The following USP40 variants were observed in gnomAD, a reference collection of about 807,000 sequenced individuals.
USP40 encodes the protein ubiquitin carboxyl-terminal hydrolase 40.
USP40 carries 143 observed loss-of-function variants against 166.2 expected under a neutral mutation model. That is an observed-to-expected ratio of 0.86 (90% CI 0.75 to 0.99). USP40 has a LOEUF of 0.99. Among genes scored for constraint, USP40 ranks in the 50% least tolerant of loss-of-function variants. The pLI is 0.00. For missense variants in USP40, 1,444 were observed against 1,479.7 expected, an observed-to-expected ratio of 0.98 and a Z score of 0.40; for synonymous variants, 498 against 524.0, an observed-to-expected ratio of 0.95 and a Z score of 0.68.
chr2:233,485,568 G>A lies in USP40; in HGVS notation c.3467C>T (p.Pro1156Leu), dbSNP rs765747545. The stretch of plus-strand genomic sequence containing the variant: ...AGTATCTCCGTCTTTCAAGTAATAC[G>A]GTGCCCCTTGCAAATAATCTTGTTT... ...KKKQDYLQGA[P>L]YYLKDGDTIG... Residue 1156 changes from proline (P) to leucine (L), a missense_variant, in exon 30 of 32, where the codon CCG (proline) becomes CTG (leucine). By Grantham distance (98) the Pro-to-Leu change is moderately conservative (BLOSUM62 -3). Transcript: ENST00000678225. 16 of 1,613,720 alleles carry A rather than the reference G, an allele frequency of 9.9e-6. No individual in the cohort carries two copies. Among genetic ancestry groups the A allele is most frequent in the African/African-American group, 6.7e-5 (5 of 74,876 alleles).
chr2:233,497,946 G>A (rs116489693), intron 23 of USP40, among the ~76,000 whole-genome samples: 1,749 of 152,242 alleles, frequency 0.011, 27 homozygotes, highest in African/African-American at 0.038. Flanking sequence ...GGGAAAGGGC[G>A]GCTGACCACA....
intron 18 of USP40, among the ~76,000 whole-genome samples, chr2:233,513,555 C>T (rs569845598): frequency 2.0e-5 from 3 of 152,228 alleles, no homozygotes; most frequent in Admixed American, 2.0e-4. Context: ...TATTCAGTTA[C>T]AGTTAATATA....
chr2:233,493,861 G>T lies in USP40; in HGVS notation c.2791-310C>A, dbSNP rs893449624. Among the ~76,000 whole-genome samples the T allele has an allele frequency of 6.6e-6, 1 of 152,128 alleles. No homozygotes were observed. The highest frequency in any genetic ancestry group is 6.5e-5 in the Admixed American group (1 of 15,276). ...ACACACTATACCAGCGTTTCCAGGC[G>T]CTGTCCAAGCACTGCTGGCCCAGGA... On this transcript the variant is annotated intron_variant, in intron 24 of 31. Coordinates refer to ENST00000678225, the MANE Select transcript of USP40 (RefSeq NM_001365479.2). This position sits in a 1 kb window ranked among gnomAD's most constrained non-coding sequence, Gnocchi z 4.7.
At chr2:233,531,574 C>T (rs923855713) in intron 11 of USP40, among the ~76,000 whole-genome samples, 3 of 152,196 alleles carry the variant, frequency 2.0e-5, no homozygotes, top group African/African-American at 7.2e-5. Context: ...AATTCTGATA[C>T]ACAATATTTT....
At position 233,485,916 on chromosome 2, in the gene USP40, C is replaced by T. The variant is rs1251636746; in HGVS notation, c.3259G>A (p.Ala1087Thr). The change falls in exon 29 of 32, where the codon GCC becomes ACC. Residue 1087 changes from alanine to threonine, a missense_variant. Coordinates refer to ENST00000678225, the MANE Select transcript of USP40 (RefSeq NM_001365479.2). ...GCCGCGTTCCACACCAGGTCCAGGGCAGGGGCATAGGTCCTCTCACCAGGG... is the reference window on the plus strand; with the variant it reads ...GCCGCGTTCCACACCAGGTCCAGGGTAGGGGCATAGGTCCTCTCACCAGGG... ...RIPGERTYAPALDLVWNAAQG... is the reference protein window; with the variant it reads ...RIPGERTYAPTLDLVWNAAQG... The T allele has an allele frequency of 6.2e-7, 1 of 1,601,178 alleles. No homozygotes were observed. The highest frequency in any genetic ancestry group is 2.2e-5 in the East Asian group (1 of 44,498).
intron 7 of USP40, among the ~76,000 whole-genome samples, chr2:233,550,219 A>G (rs2070426845): frequency 6.6e-6 from 1 of 152,178 alleles, no homozygotes; most frequent in South Asian, 2.1e-4. Flanking sequence ...AGTACAGGCA[A>G]AAGACAAGGT....
At chr2:233,554,608 T>A (rs2070884296) in intron 5 of USP40, 82 bp from the exon 6 acceptor site, 1 of 1,117,532 alleles carries the variant, frequency 8.9e-7, no homozygotes, top group Non-Finnish European at 1.2e-6. Flanking sequence ...ATATTGGGAA[T>A]AATCAGATAT....
intron 10 of USP40, among the ~76,000 whole-genome samples, chr2:233,534,494 T>C (rs1049186051): frequency 6.6e-6 from 1 of 152,242 alleles, no homozygotes; most frequent in Non-Finnish European, 1.5e-5. Context: ...GGAGTTAAAT[T>C]TGACACTTGG....
intron 2 of USP40, 57 bp downstream of exon 2, chr2:233,565,299 A>G: frequency 7.7e-7 from 1 of 1,296,768 alleles, no homozygotes; most frequent in South Asian, 1.4e-5. Flanking sequence ...TGCATAATTA[A>G]TTACATGTAA....
chr2:233,566,562 G>T, intron 1 of USP40, 122 bp downstream of exon 1: 1 of 496,850 alleles, frequency 2.0e-6, no homozygotes, highest in Non-Finnish European at 2.6e-6. Context: ...CTCCAGGAGA[G>T]CGCCGCGTCC....
At chr2:233,489,066 TC>T (rs1446023589) in intron 27 of USP40, among the ~76,000 whole-genome samples, 1 of 152,202 alleles carries the variant, frequency 6.6e-6, no homozygotes, top group Non-Finnish European at 1.5e-5. Context: ...ATCCAACATT[TC>T]TGAGTGAGAA....
At chr2:233,490,882 A>G (rs905584208) in intron 26 of USP40, 1 of 507,624 alleles carries the variant, frequency 2.0e-6, no homozygotes. Context: ...CCAAGAAACC[A>G]TGTTTCCCTA....
intron 12 of USP40, among the ~76,000 whole-genome samples, chr2:233,527,802 A>G (rs2068150140): frequency 6.6e-6 from 1 of 152,136 alleles, no homozygotes; most frequent in South Asian, 2.1e-4. Context: ...CATAGGCTGC[A>G]ATGTTAACTC....
At position 233,527,531 on chromosome 2, in the gene USP40, A is replaced by T. The variant is rs769970033; in HGVS notation, c.1601T>A (p.Leu534Gln). The change falls in exon 13 of 32, where the codon CTG becomes CAG. Residue 534 changes from leucine to glutamine, a missense_variant. Leu to Gln is a moderately radical substitution (Grantham distance 113). Coordinates refer to ENST00000678225, the MANE Select transcript of USP40 (RefSeq NM_001365479.2). The stretch of plus-strand genomic sequence containing the variant: ...ATTGAAGAAATGATACTGAGGGCCC[A>T]GGTGAAGATGCAATTCAAAAGTATT... ...ANNTFELHLH[L>Q]GPQYHFFNGA... 2 of 1,612,882 alleles carry T rather than the reference A, an allele frequency of 1.2e-6. No homozygotes were observed. The highest frequency in any genetic ancestry group is 1.7e-6 in the Non-Finnish European group (2 of 1,179,552).
rs528825620 is a variant in USP40 at position 233,558,864 on chromosome 2, G to A, written c.381+947C>T. ...CCTACACCAGAAATTTAACATACTT[G>A]TTTAGGGAATGTATTATACCCCATT... On this transcript the variant is annotated intron_variant, in intron 4 of 31. Transcript: ENST00000678225. Among the ~76,000 whole-genome samples, 19 of 152,114 alleles carry A rather than the reference G, an allele frequency of 1.2e-4. No homozygotes were observed. In the East Asian group the frequency reaches 3.5e-3, roughly 28 times the overall value.
At chr2:233,515,834 G>A (rs994078437) in intron 18 of USP40, among the ~76,000 whole-genome samples, 2 of 152,026 alleles carry the variant, frequency 1.3e-5, no homozygotes, top group Non-Finnish European at 2.9e-5. Flanking sequence ...TTAACTTTTA[G>A]TTGTATGATC....
intron 20 of USP40, among the ~76,000 whole-genome samples, chr2:233,510,418 T>TTTTTTTTTTA (rs2066735123): frequency 6.9e-6 from 1 of 145,796 alleles, no homozygotes; most frequent in Non-Finnish European, 1.5e-5. Context: ...TTTTTTTTTT[T>TTTTTTTTTTA]TGAGATGGAG....
intron 10 of USP40, among the ~76,000 whole-genome samples, chr2:233,538,579 A>C (rs1256756832): frequency 6.6e-6 from 1 of 152,266 alleles, no homozygotes; most frequent in East Asian, 1.9e-4. Context: ...CACCTCAGAT[A>C]AATGAACAAA....
chr2:233,529,814 C>CTTTTTT (rs369071345), intron 11 of USP40, among the ~76,000 whole-genome samples: 51,664 of 132,522 alleles, frequency 0.39, 10,149 homozygotes, highest in East Asian at 0.48. Context: ...TTTTCTTTTT[C>CTTTTTT]TTTTTTTTTT....
Sources: allele counts gnomAD v4.1 joint callset (sites outside exome capture counted in the v4.1 genomes callset), GRCh38; gene constraint gnomAD v4.1.1; non-coding constraint Gnocchi (gnomAD v3.1); transcripts MANE v1.5; gene names NCBI Gene and HGNC (gene_info 2026-07-23, HGNC 2026-07-21).